FCHO1: variants seen among roughly 807,000 people sequenced by gnomAD.
The protein encoded by FCHO1 is F-BAR domain only protein 1.
A neutral mutation model predicts 114.4 loss-of-function variants in FCHO1; 45 were observed. The observed-to-expected ratio is 0.39, with a 90% CI of 0.31 to 0.50. FCHO1 has a LOEUF of 0.50. Ranked by LOEUF, FCHO1 falls within the 20% of genes least tolerant of loss-of-function variation. The probability of loss-of-function intolerance (pLI) is 0.77; values close to 1 mark genes in which losing one functional copy is unlikely to be tolerated. For synonymous variants in FCHO1, 480 were observed against 488.9 expected, an observed-to-expected ratio of 0.98 and a Z score of 0.24; for missense variants, 1,042 against 1,209.6, an observed-to-expected ratio of 0.86 and a Z score of 2.06.
In FCHO1 at chr19:17,775,757, C is replaced by T. The variant is rs1167003973; in HGVS notation, c.1004-226C>T. ...GGCACCAGTGTTGGGGTTTTGCAGC[C>T]GAATAGGAGTTTGCCAGTTAGTTCT... On this transcript the variant is annotated intron_variant, in intron 15 of 28. Coordinates refer to ENST00000596536, the MANE Select transcript of FCHO1 (RefSeq NM_015122.3). This position sits in a 1 kb window ranked among gnomAD's most constrained non-coding sequence, Gnocchi z 5.1. 6.1e-5 allele frequency among the ~76,000 whole-genome samples: 9 copies of T among 147,490 alleles called. No individual in the cohort carries two copies. The highest frequency in any genetic ancestry group is 1.2e-4 in the Non-Finnish European group (8 of 67,466).
intron 23 of FCHO1, among the ~76,000 whole-genome samples, chr19:17,782,811 G>A (rs2093546916): frequency 6.6e-6 from 1 of 152,138 alleles, no homozygotes; most frequent in Non-Finnish European, 1.5e-5. Flanking sequence ...AGATGTTCCT[G>A]CCTCCTTCAG....
Position 17,786,622 on chromosome 19 carries a change from G to C in FCHO1, c.2475G>C (p.Glu825Asp), listed in dbSNP as rs1359156179. The C allele has an allele frequency of 1.2e-6, 2 of 1,612,324 alleles. No homozygotes were observed. Among genetic ancestry groups the C allele is most frequent in the African/African-American group, 2.7e-5 (2 of 74,596 alleles). Residue 825 changes from glutamate (E) to aspartate (D), a missense_variant, in exon 27 of 29, where the codon GAG becomes GAC. Glu to Asp is a conservative substitution (Grantham distance 45, BLOSUM62 2). This residue lies in a region of FCHO1 where 137 missense variants were observed against 190.0 expected (regional missense o/e 0.72). Coordinates refer to ENST00000596536, the MANE Select transcript of FCHO1 (RefSeq NM_015122.3). Reference protein sequence around the residue: ...RLTWRLPDVSEAGGSGRLSAS... With the variant: ...RLTWRLPDVSDAGGSGRLSAS... ...CTTGGAGGCTTCCAGATGTGTCCGA[G>C]GCAGGCGGTGAGCTGTGGTTGTGTA...
intron 26 of FCHO1, 92 bp downstream of exon 26, chr19:17,785,016 C>G: frequency 7.7e-7 from 1 of 1,295,862 alleles, no homozygotes; most frequent in South Asian, 1.2e-5. Flanking sequence ...GGTGCACCCT[C>G]GGCCTGACCG....
chr19:17,787,311 C>A (rs1243372185), intron 27 of FCHO1, among the ~76,000 whole-genome samples: 1 of 149,042 alleles, frequency 6.7e-6, no homozygotes, highest in Non-Finnish European at 1.5e-5. Flanking sequence ...TTTGGGAGGC[C>A]CAGGTGGGAG....
chr19:17,770,092 G>A (rs2091020363), intron 7 of FCHO1, among the ~76,000 whole-genome samples: 1 of 152,104 alleles, frequency 6.6e-6, no homozygotes, highest in Admixed American at 6.6e-5. Flanking sequence ...CTGAGGTCAG[G>A]AGTTAGAGAC....
chr19:17,784,095 C>G lies in FCHO1; in HGVS notation c.2094-8C>G. 6.2e-7 allele frequency: 1 copy of G among 1,613,804 alleles called. No homozygotes were observed. The highest frequency in any genetic ancestry group is 8.5e-7 in the Non-Finnish European group (1 of 1,179,824). On this transcript the variant is annotated splice_region_variant and splice_polypyrimidine_tract_variant and intron_variant, in intron 24 of 28. Transcript: ENST00000596536. This position sits in a 1 kb window ranked among gnomAD's most constrained non-coding sequence, Gnocchi z 5.3. ...GAGGATTGGGGTGATCAGTCCGGGT[C>G]TCTGCAGTGACCCCTCCCAGAGTGA...
intron 18 of FCHO1, among the ~76,000 whole-genome samples, chr19:17,777,694 A>G (rs1462336003): frequency 6.6e-6 from 1 of 152,126 alleles, no homozygotes; most frequent in East Asian, 1.9e-4. Flanking sequence ...ACTTGGAGCT[A>G]AGCCCCAAAG....
intron 9 of FCHO1, among the ~76,000 whole-genome samples, chr19:17,771,395 G>T (rs532852062): frequency 6.6e-6 from 1 of 151,320 alleles, no homozygotes; most frequent in Non-Finnish European, 1.5e-5. Flanking sequence ...AAGGCTGGGC[G>T]CGGTGGCTCA....
At position 17,776,132 on chromosome 19, in the gene FCHO1, G is replaced by C. The variant is rs2092602001; in HGVS notation, c.1153G>C (p.Gly385Arg). ...AGCGGCACAGCTCAGGGCCACCGCG[G>C]GCAGCCTCATCCTTCCTCCTGGCCC... is the stretch of plus-strand genomic sequence containing the variant. ...AAAAQLRATA[G>R]SLILPPGPGG... The change falls in exon 16 of 29, where the codon GGC becomes CGC. Residue 385 changes from glycine (G) to arginine (R), a missense_variant. Gly to Arg is a moderately radical substitution (Grantham distance 125). Around this residue, in one of 3 missense-constraint regions of FCHO1, gnomAD observed 450 missense variants for 564.1 expected, o/e 0.80. Coordinates refer to ENST00000596536, the MANE Select transcript of FCHO1 (RefSeq NM_015122.3). The surrounding 1 kb of genome is among the most constrained non-coding windows in gnomAD (Gnocchi z 4.4). The C allele has an allele frequency of 6.2e-7, 1 of 1,613,386 alleles. No individual in the cohort carries two copies. Among genetic ancestry groups the C allele is most frequent in the African/African-American group, 1.3e-5 (1 of 74,898 alleles).
rs759256252 is a variant in FCHO1 at position 17,784,163 on chromosome 19, C to G, written c.2154C>G (p.Thr718=). 4 of 1,614,050 alleles carry G rather than the reference C, an allele frequency of 2.5e-6. No individual in the cohort carries two copies. The highest frequency in any genetic ancestry group is 1.7e-5 in the Admixed American group (1 of 60,004). The change falls in exon 25 of 29, where the codon ACC becomes ACG. Residue 718 remains threonine, a synonymous_variant. Coordinates refer to ENST00000596536, the MANE Select transcript of FCHO1 (RefSeq NM_015122.3). The surrounding 1 kb of genome is among the most constrained non-coding windows in gnomAD (Gnocchi z 5.3). ...KDFWLNMAAL[T]EALQRQAEQN... ...TCTGGCTCAACATGGCAGCTCTGAC[C>G]GAAGCCCTGCAGCGCCAGGCAGAGC... is the stretch of plus-strand genomic sequence containing the variant.
At chr19:17,761,014 A>G (rs947614510) in intron 4 of FCHO1, among the ~76,000 whole-genome samples, 7 of 152,192 alleles carry the variant, frequency 4.6e-5, no homozygotes, top group Admixed American at 4.6e-4. Context: ...CCTGGGTCAC[A>G]CAGTGCAGCC....
chr19:17,780,161 C>CTTT (rs11400972), intron 20 of FCHO1, among the ~76,000 whole-genome samples: 50 of 103,360 alleles, frequency 4.8e-4, no homozygotes, highest in Non-Finnish European at 5.0e-4. Context: ...AGAAGAAGCT[C>CTTT]TTTTTTTTTT....
intron 5 of FCHO1, among the ~76,000 whole-genome samples, chr19:17,764,163 C>T (rs1480781374): frequency 1.3e-5 from 2 of 152,112 alleles, no homozygotes; most frequent in Non-Finnish European, 2.9e-5. Context: ...CCTCAACTTC[C>T]CCAGTAGCTG....
At chr19:17,766,957 C>T in intron 7 of FCHO1, 147 bp downstream of exon 7, 3 of 920,938 alleles carry the variant, frequency 3.3e-6, no homozygotes, top group East Asian at 2.7e-5. Flanking sequence ...CAGGGTCTTA[C>T]GGACCTGAGC....
intron 7 of FCHO1, among the ~76,000 whole-genome samples, chr19:17,767,028 G>A (rs1366173558): frequency 6.6e-6 from 1 of 151,592 alleles, no homozygotes; most frequent in Non-Finnish European, 1.5e-5. Context: ...TGGCCCACGG[G>A]CCAAATCCCG....
rs1167118724 is a variant in FCHO1 at position 17,776,799 on chromosome 19, G to T, written c.1259+113G>T. 2.2e-5 allele frequency: 22 copies of T among 1,022,636 alleles called. No individual in the cohort carries two copies. The highest frequency in any genetic ancestry group is 6.0e-5 in the South Asian group (4 of 66,838). The allele number at this position is 1,022,636 out of a possible 1,614,324, so 63.3% of individuals were successfully genotyped here. A position where few individuals can be genotyped will look rare whatever the true frequency, so the allele number is the denominator to read the frequency against. On this transcript the variant is annotated intron_variant, in intron 18 of 28. Coordinates refer to ENST00000596536, the MANE Select transcript of FCHO1 (RefSeq NM_015122.3). The surrounding 1 kb of genome is among the most constrained non-coding windows in gnomAD (Gnocchi z 4.4). ...GGCTGGGAGTTGACGTCATGCTGGGGTTTTTTTGTTTTTGTTTTTGTTTTG... is the reference window on the plus strand; with the variant it reads ...GGCTGGGAGTTGACGTCATGCTGGGTTTTTTTTGTTTTTGTTTTTGTTTTG...
chr19:17,788,234 TCCCGTACCCCTCCTCCCCA>T, intron 28 of FCHO1, 31 bp from the exon 29 acceptor site: 1 of 1,059,174 alleles, frequency 9.4e-7, no homozygotes, highest in Non-Finnish European at 1.4e-6. Flanking sequence ...GGGGAACCCC[TCCCGTACCCCTCCTCCCCA>T]CCCCTCCCCC....
intron 6 of FCHO1, 125 bp downstream of exon 6, chr19:17,764,574 A>G (rs1445932313): frequency 2.8e-6 from 2 of 716,234 alleles, no homozygotes; most frequent in South Asian, 3.8e-5. Flanking sequence ...ATTTGGATAG[A>G]GGGATGTATA....
rs1429569001 is a variant in FCHO1, at chr19:17,766,884, T to C, written c.336+74T>C. The C allele has an allele frequency of 5.3e-6, 8 of 1,502,326 alleles. No individual in the cohort carries two copies. In the African/African-American group the frequency reaches 8.3e-5, roughly 16 times the overall value. The allele number at this position is 1,502,326 out of a possible 1,614,324, so 93.1% of individuals were successfully genotyped here. A position where few individuals can be genotyped will look rare whatever the true frequency, so the allele number is the denominator to read the frequency against. Reference sequence around the variant, plus strand: ...GCAGCTCACAGGACCCCAGATCTTCTGGGGCTTTATAACCTGCGGATGTCC... The same window carrying C: ...GCAGCTCACAGGACCCCAGATCTTCCGGGGCTTTATAACCTGCGGATGTCC... On this transcript the variant is annotated intron_variant, in intron 7 of 28. Transcript: ENST00000596536.
Sources: allele counts gnomAD v4.1 joint callset (sites outside exome capture counted in the v4.1 genomes callset), GRCh38; gene constraint gnomAD v4.1.1; regional missense constraint gnomAD v4.1.1; non-coding constraint Gnocchi (gnomAD v3.1); transcripts MANE v1.5; gene names NCBI Gene and HGNC (gene_info 2026-07-23, HGNC 2026-07-21).